MAP3K1: variants seen among roughly 807,000 people sequenced by gnomAD.
MAP3K1 encodes MAP/ERK kinase kinase 1.
In MAP3K1, 36 loss-of-function variants were observed where a neutral mutation model predicts 144.2. That is an observed-to-expected ratio of 0.25 (90% CI 0.19 to 0.33). The LOEUF is 0.33. Ranked by LOEUF, MAP3K1 falls within the 10% of genes least tolerant of loss-of-function variation. MAP3K1 has a pLI of 1.00. For missense variants in MAP3K1, 1,650 were observed against 1,881.9 expected (o/e 0.88, Z 2.28); for synonymous variants, 718 against 688.7 (o/e 1.04, Z -0.67).
In MAP3K1 at chr5:56,895,026, A is replaced by C. The variant is rs1401550327; in HGVS notation, c.*1346A>C. On this transcript the variant is annotated 3_prime_UTR_variant, in exon 20 of 20. Coordinates refer to ENST00000399503, the MANE Select transcript of MAP3K1 (RefSeq NM_005921.2). ...TAAATCAAGTACTGATTAACTATTA[A>C]GTACAACTTTGAGATTTTAGTTTTA... 3 of 231,714 alleles carry C rather than the reference A, an allele frequency of 1.3e-5. No individual in the cohort carries two copies. Among genetic ancestry groups the C allele is most frequent in the Non-Finnish European group, 2.6e-5 (3 of 117,200 alleles). The allele number at this position is 231,714 out of a possible 1,614,324, so 14.4% of individuals were successfully genotyped here.
At chr5:56,853,398 A>C (rs1397869576) in intron 1 of MAP3K1, among the ~76,000 whole-genome samples, 1 of 152,254 alleles carries the variant, frequency 6.6e-6, no homozygotes, top group East Asian at 1.9e-4. Flanking sequence ...TTATAAAAAA[A>C]GTTAATAAGA....
chr5:56,883,758 T>C lies in MAP3K1; in HGVS notation c.3819+79T>C. The C allele has an allele frequency of 2.2e-6, 3 of 1,390,874 alleles. No individual in the cohort carries two copies. In the South Asian group the frequency reaches 3.5e-5, roughly 16 times the overall value. The allele number at this position is 1,390,874 out of a possible 1,614,324, so 86.2% of individuals were successfully genotyped here. On this transcript the variant is annotated intron_variant, in intron 15 of 19. Coordinates refer to ENST00000399503, the MANE Select transcript of MAP3K1 (RefSeq NM_005921.2). ...TGTTCAGTAAAAAGAATAAAGGATA[T>C]GTCCACGTGTGTGTACTTTAGTTCT...
At chr5:56,819,276 A>G (rs1171017525) in intron 1 of MAP3K1, among the ~76,000 whole-genome samples, 2 of 152,204 alleles carry the variant, frequency 1.3e-5, no homozygotes, top group Non-Finnish European at 2.9e-5. Flanking sequence ...ATTTTGTTAG[A>G]TACGAAAAAC....
intron 1 of MAP3K1, among the ~76,000 whole-genome samples, chr5:56,817,455 C>T (rs1746012512): frequency 6.6e-6 from 1 of 152,126 alleles, no homozygotes; most frequent in Non-Finnish European, 1.5e-5. Flanking sequence ...TGCTTAAAAT[C>T]ACGATCCATT....
intron 15 of MAP3K1, 138 bp downstream of exon 15, chr5:56,883,817 G>GT: frequency 2.1e-6 from 2 of 944,704 alleles, no homozygotes; most frequent in Non-Finnish European, 3.3e-6. Flanking sequence ...CAAAGTAGAT[G>GT]TTTCTAAAGC....
chr5:56,887,118 A>G (rs928793867), intron 17 of MAP3K1, among the ~76,000 whole-genome samples: 11 of 152,216 alleles, frequency 7.2e-5, no homozygotes, highest in African/African-American at 2.4e-4. Flanking sequence ...CTTTTTAGCT[A>G]GTATTTGACA....
At chr5:56,852,518 C>T (rs947744695) in intron 1 of MAP3K1, among the ~76,000 whole-genome samples, 1 of 152,162 alleles carries the variant, frequency 6.6e-6, no homozygotes, top group African/African-American at 2.4e-5. Context: ...CAAGAAACCT[C>T]ATGTTTCCTA....
At chr5:56,826,174 G>A (rs911960267) in intron 1 of MAP3K1, among the ~76,000 whole-genome samples, 3 of 151,748 alleles carry the variant, frequency 2.0e-5, no homozygotes, top group East Asian at 1.9e-4. Flanking sequence ...TTCCAGCTCC[G>A]TGGTGAGGTT....
At chr5:56,874,483 TCCTA>T (rs1747954228) in intron 9 of MAP3K1, among the ~76,000 whole-genome samples, 1 of 152,230 alleles carries the variant, frequency 6.6e-6, no homozygotes, top group South Asian at 2.1e-4. Flanking sequence ...CGTTTTACAG[TCCTA>T]CCTGTTTTGT....
intron 1 of MAP3K1, among the ~76,000 whole-genome samples, chr5:56,832,237 G>A (rs1395522164): frequency 3.9e-5 from 6 of 152,112 alleles, no homozygotes; most frequent in Admixed American, 3.3e-4. Flanking sequence ...AGGATTTATG[G>A]TCATAGCATT....
intron 1 of MAP3K1, among the ~76,000 whole-genome samples, chr5:56,836,134 C>A (rs1459738123): frequency 6.6e-6 from 1 of 152,144 alleles, no homozygotes; most frequent in Non-Finnish European, 1.5e-5. Flanking sequence ...GGTTTGTGGA[C>A]TCGACTGAGG....
chr5:56,841,717 A>G (rs2111816854), intron 1 of MAP3K1, among the ~76,000 whole-genome samples: 1 of 152,334 alleles, frequency 6.6e-6, no homozygotes, highest in South Asian at 2.1e-4. Flanking sequence ...GTATGTTCAC[A>G]CTGAATGACC....
chr5:56,864,556 A>G (rs997971330), intron 3 of MAP3K1, among the ~76,000 whole-genome samples, 178 bp from the exon 4 acceptor site: 20 of 151,894 alleles, frequency 1.3e-4, no homozygotes, highest in African/African-American at 4.4e-4. Flanking sequence ...TTGTATTTTT[A>G]GTAGAGATGG....
rs1748649352 is a variant in MAP3K1 at position 56,894,626 on chromosome 5, G to A, written c.*946G>A. The A allele has an allele frequency of 4.3e-6, 1 of 232,240 alleles. No homozygotes were observed. Among genetic ancestry groups the A allele is most frequent in the African/African-American group, 2.2e-5 (1 of 45,286 alleles). 14.4% of individuals were successfully genotyped at this position (232,240 alleles called of 1,614,324 possible). ...TTTGAATTTTTTAGATGTTTTGGTTGTCAAACTGTAGGAAACTTCACAACA... is the reference window on the plus strand; with the variant it reads ...TTTGAATTTTTTAGATGTTTTGGTTATCAAACTGTAGGAAACTTCACAACA... On this transcript the variant is annotated 3_prime_UTR_variant, in exon 20 of 20. Coordinates refer to ENST00000399503, the MANE Select transcript of MAP3K1 (RefSeq NM_005921.2).
At chr5:56,870,500 T>A (rs1747818508) in intron 6 of MAP3K1, among the ~76,000 whole-genome samples, 1 of 152,334 alleles carries the variant, frequency 6.6e-6, no homozygotes, top group South Asian at 2.1e-4. Flanking sequence ...ATACAACTTT[T>A]AAAAATTACA....
rs113150610 is a variant in MAP3K1 at position 56,887,391 on chromosome 5, A to C, written c.4128A>C (p.Leu1376=). 4.8e-5 allele frequency: 78 copies of C among 1,614,170 alleles called. 2 individuals are homozygous for C. Among genetic ancestry groups the C allele is most frequent in the African/African-American group, 4.8e-4 (36 of 75,048 alleles). The change falls in exon 18 of 20, where the codon CTA becomes CTC. Residue 1376 remains leucine, a synonymous_variant. Transcript: ENST00000399503. ...GTTTGTTGACAGGTGCCAATTTGCT[A>C]ATTGACAGCACTGGTCAGAGACTAA... ...IHRDVKGANL[L]IDSTGQRLRI... is the part of the protein sequence containing the mutation.
chr5:56,872,606 C>A, intron 7 of MAP3K1, 35 bp from the exon 8 acceptor site: 1 of 1,208,282 alleles, frequency 8.3e-7, no homozygotes, highest in Non-Finnish European at 1.2e-6. Flanking sequence ...TAAACATTTA[C>A]ATTTTTGTAA....
chr5:56,887,485 C>G lies in MAP3K1; in HGVS notation c.4222C>G (p.Gln1408Glu), dbSNP rs2111962368. 1 of 1,614,106 alleles carries G rather than the reference C, an allele frequency of 6.2e-7. No homozygotes were observed. Among genetic ancestry groups the G allele is most frequent in the Non-Finnish European group, 8.5e-7 (1 of 1,179,986 alleles). ...KGTGAGEFQGQLLGTIAFMAP... is the reference protein window; with the variant it reads ...KGTGAGEFQGELLGTIAFMAP... ...AACTGGTGCAGGAGAGTTTCAGGGACAATTACTGGGGACAATTGCATTTAT... is the reference window on the plus strand; with the variant it reads ...AACTGGTGCAGGAGAGTTTCAGGGAGAATTACTGGGGACAATTGCATTTAT... The change falls in exon 18 of 20, where the codon CAA (glutamine) becomes GAA (glutamate). Residue 1408 changes from glutamine (Q) to glutamate (E), a missense_variant. Gln to Glu is a conservative substitution (Grantham distance 29). Around this residue, in one of 6 missense-constraint regions of MAP3K1, gnomAD observed 165 missense variants for 322.9 expected, o/e 0.51. Coordinates refer to ENST00000399503, the MANE Select transcript of MAP3K1 (RefSeq NM_005921.2).
intron 2 of MAP3K1, among the ~76,000 whole-genome samples, chr5:56,858,804 C>T (rs1579752560): frequency 6.6e-6 from 1 of 152,170 alleles, no homozygotes; most frequent in Non-Finnish European, 1.5e-5. Flanking sequence ...AATTTTAACT[C>T]AGCGTAGAAA....
Sources: gnomAD v4.1 joint callset for allele counts (sites outside exome capture counted in the v4.1 genomes callset) on GRCh38, gnomAD v4.1.1 for gene constraint, gnomAD v4.1.1 regional missense constraint, MANE v1.5 for transcripts, NCBI Gene and HGNC (gene_info 2026-07-23, HGNC 2026-07-21) for gene names.